Variants in CCSER1 observed in about 807,000 individuals in gnomAD.
The protein encoded by CCSER1 is serine-rich coiled-coil domain-containing protein 1.
CCSER1 carries 41 observed loss-of-function variants against 82.0 expected under a neutral mutation model. The ratio of observed to expected loss-of-function variants is 0.50; its 90% CI spans 0.39 to 0.65. The LOEUF is 0.65. CCSER1 is among the 30% of genes least tolerant of loss of function. CCSER1 has a pLI of 0.00. For synonymous variants in CCSER1, 414 were observed against 383.9 expected, an observed-to-expected ratio of 1.08 and a Z score of -0.92; for missense variants, 1,119 against 1,064.2, an observed-to-expected ratio of 1.05 and a Z score of -0.72.
At chr4:91,165,486 T>C (rs1018338922) in intron 10 of CCSER1, among the ~76,000 whole-genome samples, 3 of 152,198 alleles carry the variant, frequency 2.0e-5, no homozygotes, top group Admixed American at 6.5e-5. Context: ...GACGTTTAAG[T>C]CTGCAGAAGT....
chr4:90,660,324 T>A lies in CCSER1; in HGVS notation c.1932+32092T>A, dbSNP rs148213896. 2.0e-3 allele frequency among the ~76,000 whole-genome samples: 302 copies of A among 152,160 alleles called. 1 individual carries two copies. The highest frequency in any genetic ancestry group is 6.9e-3 in the African/African-American group (286 of 41,568). On this transcript the variant is annotated intron_variant, in intron 6 of 10. Transcript: ENST00000509176. ...ACAAATGTGTAAAGAAAATGATATC[T>A]ATGCATCATGGAATACTACATAGCC...
At chr4:91,535,668 G>A (rs891189774) in intron 10 of CCSER1, among the ~76,000 whole-genome samples, 5 of 151,700 alleles carry the variant, frequency 3.3e-5, no homozygotes, top group African/African-American at 2.4e-5. Flanking sequence ...AAACAGAAAT[G>A]TGGAAACAAA....
At chr4:90,380,589 G>A (rs561445849) in intron 3 of CCSER1, among the ~76,000 whole-genome samples, 103 of 152,218 alleles carry the variant, frequency 6.8e-4, no homozygotes, top group African/African-American at 2.3e-3. Flanking sequence ...AAATGTACAA[G>A]TTATTTATTC....
chr4:90,198,333 AT>A (rs1368639445), intron 1 of CCSER1, among the ~76,000 whole-genome samples: 2 of 152,126 alleles, frequency 1.3e-5, no homozygotes, highest in Admixed American at 6.6e-5. Flanking sequence ...TCTAATCAGC[AT>A]GAAAAAGATA....
At chr4:91,024,063 G>C (rs1740264490) in intron 9 of CCSER1, among the ~76,000 whole-genome samples, 1 of 152,096 alleles carries the variant, frequency 6.6e-6, no homozygotes, top group African/African-American at 2.4e-5. Context: ...GTGCTAACAT[G>C]CTAGCTCAGG....
chr4:90,826,071 T>A (rs1561204517), intron 8 of CCSER1, among the ~76,000 whole-genome samples: 1 of 152,354 alleles, frequency 6.6e-6, no homozygotes, highest in East Asian at 1.9e-4. Context: ...AACATCAGGT[T>A]ACTTCATGTT....
chr4:91,476,895 A>G (rs1435941372), intron 10 of CCSER1, among the ~76,000 whole-genome samples: 2 of 151,722 alleles, frequency 1.3e-5, no homozygotes, highest in Non-Finnish European at 3.0e-5. Flanking sequence ...ACTCTCTCTC[A>G]ATTAATACAT....
At chr4:91,201,583 T>A (rs1735903092) in intron 10 of CCSER1, among the ~76,000 whole-genome samples, 1 of 152,064 alleles carries the variant, frequency 6.6e-6, no homozygotes, top group African/African-American at 2.4e-5. Context: ...AATACTAGAA[T>A]TGTATTTTAC....
intron 8 of CCSER1, among the ~76,000 whole-genome samples, chr4:90,844,115 G>GTATA (rs34765356): frequency 1.1e-4 from 16 of 149,770 alleles, no homozygotes; most frequent in Admixed American, 5.4e-4. Context: ...GTGTGTGTAT[G>GTATA]TATATATATA....
intron 10 of CCSER1, among the ~76,000 whole-genome samples, chr4:91,550,792 A>C (rs1762125884): frequency 6.6e-6 from 1 of 152,184 alleles, no homozygotes; most frequent in African/African-American, 2.4e-5. Context: ...TGATATTAGA[A>C]TTTTGCAATA....
intron 5 of CCSER1, among the ~76,000 whole-genome samples, chr4:90,534,314 A>G (rs1258018724): frequency 6.6e-6 from 1 of 152,122 alleles, no homozygotes; most frequent in Non-Finnish European, 1.5e-5. Flanking sequence ...TATTTTTAGT[A>G]GAGACGGGGT....
At chr4:90,211,840 G>A (rs1259717452) in intron 1 of CCSER1, among the ~76,000 whole-genome samples, 2 of 152,116 alleles carry the variant, frequency 1.3e-5, no homozygotes, top group African/African-American at 2.4e-5. Context: ...TCCTCTCAAA[G>A]ATTCTTGAGC....
chr4:90,921,324 CTA>C (rs1485562563), intron 8 of CCSER1, among the ~76,000 whole-genome samples: 1 of 151,776 alleles, frequency 6.6e-6, no homozygotes, highest in Non-Finnish European at 1.5e-5. Flanking sequence ...GTACCTAAGT[CTA>C]TAGGAAACTT....
intron 10 of CCSER1, among the ~76,000 whole-genome samples, chr4:91,596,118 C>T (rs547778624): frequency 6.6e-6 from 1 of 151,990 alleles, no homozygotes; most frequent in African/African-American, 2.4e-5. Context: ...TTCTAAGTAC[C>T]AGATACTGTA....
chr4:91,433,506 G>A (rs1299856824), intron 10 of CCSER1, among the ~76,000 whole-genome samples: 2 of 152,180 alleles, frequency 1.3e-5, no homozygotes, highest in Non-Finnish European at 2.9e-5. Context: ...CCCTACACAG[G>A]TGTACCATTT....
chr4:91,535,619 T>C (rs1761259298), intron 10 of CCSER1, among the ~76,000 whole-genome samples: 1 of 152,016 alleles, frequency 6.6e-6, no homozygotes, highest in East Asian at 1.9e-4. Flanking sequence ...TTCCTATATA[T>C]TTATCAGTTT....
chr4:90,791,671 A>G (rs149941626), intron 7 of CCSER1, among the ~76,000 whole-genome samples: 8,752 of 152,166 alleles, frequency 0.058, 418 homozygotes, highest in East Asian at 0.24. Context: ...TAACACAGTG[A>G]AACCCCATCT....
intron 3 of CCSER1, among the ~76,000 whole-genome samples, chr4:90,369,223 GGGGGAGGA>G (rs1746897681): frequency 8.5e-6 from 1 of 117,506 alleles, no homozygotes; most frequent in African/African-American, 3.6e-5. Flanking sequence ...AAGAAAGAAA[GGGGGAGGA>G]AAAGGAGAAG....
chr4:90,655,616 A>C (rs560354061), intron 6 of CCSER1, among the ~76,000 whole-genome samples: 83 of 152,022 alleles, frequency 5.5e-4, no homozygotes, highest in African/African-American at 1.9e-3. Flanking sequence ...TTTGATACAG[A>C]TCTGGTCTGA....
Sources: allele counts gnomAD v4.1 joint callset (sites outside exome capture counted in the v4.1 genomes callset), GRCh38; gene constraint gnomAD v4.1.1; transcripts MANE v1.5; gene names NCBI Gene and HGNC (gene_info 2026-07-23, HGNC 2026-07-21).